Variants in PTPRD observed in about 807,000 individuals in gnomAD.
The protein encoded by PTPRD is protein tyrosine phosphatase receptor type D, also known as receptor-type tyrosine-protein phosphatase delta.
Under a neutral mutation model 214.5 loss-of-function variants are expected in PTPRD, and 34 were observed. The ratio of observed to expected loss-of-function variants is 0.16; its 90% confidence interval spans 0.12 to 0.21. The LOEUF is 0.21. PTPRD is among the 10% of genes least tolerant of loss of function. The pLI, the probability that PTPRD is intolerant of heterozygous loss-of-function variation, is 1.00. For synonymous variants in PTPRD, 1,128 were observed against 845.7 expected, an observed-to-expected ratio of 1.33 and a Z score of -5.79; for missense variants, 2,545 against 2,398.7, an observed-to-expected ratio of 1.06 and a Z score of -1.27.
At chr9:8,438,732 A>G (rs2095441503) in intron 34 of PTPRD, 1 of 152,316 alleles carries the variant, frequency 6.6e-6, no homozygotes, top group East Asian at 1.9e-4. Context: ...GAGAGTTATT[A>G]TCATATATGG....
In PTPRD at chr9:9,475,895, T is replaced by C. The variant is rs141595059; in HGVS notation, c.-236-78413A>G. 6.6e-5 allele frequency among the ~76,000 whole-genome samples: 10 copies of C among 152,302 alleles called. No homozygotes were observed. In the East Asian group the frequency reaches 1.9e-3, roughly 29 times the overall value. On this transcript the variant is annotated intron_variant, in intron 8 of 45. Transcript: ENST00000381196. Reference sequence around the variant, plus strand: ...GAAATAGGCTTTGGCCTATGTTATATATAAACTGCTACCTCCGCAGTGGTA... The same window carrying C: ...GAAATAGGCTTTGGCCTATGTTATACATAAACTGCTACCTCCGCAGTGGTA...
chr9:8,829,570 G>C (rs759776910), intron 11 of PTPRD, among the ~76,000 whole-genome samples: 35 of 152,082 alleles, frequency 2.3e-4, no homozygotes, highest in Non-Finnish European at 3.8e-4. Flanking sequence ...CATCACACTG[G>C]GTTAGAATTT....
At chr9:9,168,534 CA>C (rs1436994067) in intron 10 of PTPRD, among the ~76,000 whole-genome samples, 3 of 151,992 alleles carry the variant, frequency 2.0e-5, no homozygotes, top group African/African-American at 7.2e-5. Context: ...CAGGTTGTCT[CA>C]AAATGTCTTT....
chr9:8,761,668 A>G (rs990988273), intron 11 of PTPRD, among the ~76,000 whole-genome samples: 2 of 152,218 alleles, frequency 1.3e-5, no homozygotes, highest in East Asian at 1.9e-4. Context: ...GCTCATCTAC[A>G]TGGATAATTT....
At chr9:10,187,728 G>T (rs149506598) in intron 3 of PTPRD, among the ~76,000 whole-genome samples, 14 of 152,140 alleles carry the variant, frequency 9.2e-5, no homozygotes, top group African/African-American at 3.4e-4. Context: ...ATGCTCCTCT[G>T]CTTTCATGGG....
At chr9:9,710,622 G>C (rs2097707948) in intron 7 of PTPRD, among the ~76,000 whole-genome samples, 2 of 151,218 alleles carry the variant, frequency 1.3e-5, no homozygotes, top group African/African-American at 4.9e-5. Context: ...TTTAATTTAG[G>C]AGATTCATAA....
At chr9:9,339,035 T>C (rs1445695499) in intron 9 of PTPRD, among the ~76,000 whole-genome samples, 3 of 152,318 alleles carry the variant, frequency 2.0e-5, no homozygotes, top group Non-Finnish European at 2.9e-5. Flanking sequence ...TCATATCCTC[T>C]GTTGAGCTAT....
intron 8 of PTPRD, among the ~76,000 whole-genome samples, chr9:9,496,222 G>C (rs890282249): frequency 6.6e-6 from 1 of 152,082 alleles, no homozygotes; most frequent in Non-Finnish European, 1.5e-5. Flanking sequence ...TTTGACTTTA[G>C]GAGAATTCTT....
chr9:8,651,785 T>C (rs2154345198), intron 12 of PTPRD, among the ~76,000 whole-genome samples: 1 of 151,910 alleles, frequency 6.6e-6, no homozygotes, highest in East Asian at 2.0e-4. Context: ...TTTTTCCAAA[T>C]GGCATTAAAT....
chr9:10,068,290 G>A (rs2097920398), intron 3 of PTPRD, among the ~76,000 whole-genome samples: 1 of 151,824 alleles, frequency 6.6e-6, no homozygotes, highest in African/African-American at 2.4e-5. Context: ...TATCTTTCAG[G>A]AACTTGGCCT....
chr9:9,882,020 A>C (rs1378122020), intron 5 of PTPRD, among the ~76,000 whole-genome samples: 1 of 152,150 alleles, frequency 6.6e-6, no homozygotes, highest in Non-Finnish European at 1.5e-5. Flanking sequence ...ATAGTGTAAC[A>C]CTTTGCAAGT....
rs13294631 is a variant in PTPRD, at chr9:8,562,080, T to G, written c.353-33301A>C. Among the ~76,000 whole-genome samples the G allele has an allele frequency of 1.3e-4, 20 of 152,178 alleles. No homozygotes were observed. In the East Asian group the frequency reaches 3.3e-3, roughly 25 times the overall value. On this transcript the variant is annotated intron_variant, in intron 14 of 45. Transcript: ENST00000381196. Reference sequence around the variant, plus strand: ...ACGGAAACAAATGTAACTGATACATTTGAAGCAAGAGGAGATTGAAGATGA... The same window carrying G: ...ACGGAAACAAATGTAACTGATACATGTGAAGCAAGAGGAGATTGAAGATGA...
chr9:8,597,155 G>C (rs1301572465), intron 14 of PTPRD, among the ~76,000 whole-genome samples: 1 of 152,104 alleles, frequency 6.6e-6, no homozygotes, highest in Non-Finnish European at 1.5e-5. Flanking sequence ...AAAGTGAAGG[G>C]TTAAAGGGGG....
At chr9:9,137,720 T>C (rs1355130862) in intron 10 of PTPRD, among the ~76,000 whole-genome samples, 3 of 152,146 alleles carry the variant, frequency 2.0e-5, no homozygotes, top group East Asian at 1.9e-4. Flanking sequence ...TCACAGGACA[T>C]TGTACTTTGC....
At chr9:9,419,866 T>G (rs1359622517) in intron 8 of PTPRD, among the ~76,000 whole-genome samples, 1 of 151,680 alleles carries the variant, frequency 6.6e-6, no homozygotes, top group Non-Finnish European at 1.5e-5. Flanking sequence ...GAAAAATATT[T>G]TATAGATATA....
chr9:9,760,599 TACACACACAC>T (rs146209140), intron 6 of PTPRD, among the ~76,000 whole-genome samples: 11,119 of 107,758 alleles, frequency 0.1, 506 homozygotes, highest in Middle Eastern at 0.14. Context: ...TCAGCTATCA[TACACACACAC>T]ACACACACAC....
chr9:9,196,568 C>A (rs545592067), intron 9 of PTPRD, among the ~76,000 whole-genome samples: 1 of 152,124 alleles, frequency 6.6e-6, no homozygotes, highest in Non-Finnish European at 1.5e-5. Context: ...TACGGTTATG[C>A]CATTTTAAAC....
At chr9:9,514,469 A>G (rs571501631) in intron 8 of PTPRD, among the ~76,000 whole-genome samples, 60 of 152,196 alleles carry the variant, frequency 3.9e-4, no homozygotes, top group African/African-American at 1.1e-3. Context: ...CTGTAATTAC[A>G]TTGTTCCTTA....
At chr9:8,451,893 C>T in intron 33 of PTPRD, 1 of 501,390 alleles carries the variant, frequency 2.0e-6, no homozygotes, top group Non-Finnish European at 4.0e-6. Flanking sequence ...CTACTTTACT[C>T]TTACAGGTAT....
Sources: allele counts gnomAD v4.1 joint callset (sites outside exome capture counted in the v4.1 genomes callset), GRCh38; gene constraint gnomAD v4.1.1; transcripts MANE v1.5; gene names NCBI Gene and HGNC (gene_info 2026-07-23, HGNC 2026-07-21).